Variants in DYNC2LI1 observed in about 807,000 individuals in gnomAD.
DYNC2LI1 encodes dynein cytoplasmic 2 light intermediate chain 1, also known as cytoplasmic dynein 2 light intermediate chain 1.
DYNC2LI1 carries 45 observed loss-of-function variants against 51.9 expected under a neutral mutation model. That is an observed-to-expected ratio of 0.87 (90% CI 0.68 to 1.11). The LOEUF (loss-of-function observed/expected upper bound fraction) is 1.11, where lower values mean the gene tolerates loss of function less well. DYNC2LI1 is among the 50% of genes most tolerant of loss of function. The pLI is 0.00. For missense variants in DYNC2LI1, 490 were observed against 417.4 expected (o/e 1.17, Z -1.51); for synonymous variants, 130 against 137.8 (o/e 0.94, Z 0.40).
At chr2:43,796,947 G>C in intron 8 of DYNC2LI1, 152 bp downstream of exon 8, 1 of 613,758 alleles carries the variant, frequency 1.6e-6, no homozygotes, top group Non-Finnish European at 2.9e-6. Context: ...CTTACAGAGT[G>C]TTTGATAATG....
chr2:43,823,868 G>T, the DYNC2LI1 span: 5 of 1,596,754 alleles, frequency 3.1e-6, no homozygotes, highest in Admixed American at 1.7e-5. Context: ...GAGAAGGGAG[G>T]TATTTAGGGA....
At chr2:43,786,570 G>A (rs142181847) in intron 3 of DYNC2LI1, among the ~76,000 whole-genome samples, 1,569 of 152,244 alleles carry the variant, frequency 0.01, 10 homozygotes, top group Non-Finnish European at 0.014. Flanking sequence ...GGGAGGCCGA[G>A]GCGGGCGGAT....
intron 2 of DYNC2LI1, chr2:43,781,545 C>T (rs1237441338): frequency 1.3e-5 from 2 of 151,674 alleles, no homozygotes; most frequent in Non-Finnish European, 2.9e-5. Context: ...AGAACTTTTA[C>T]AGCATACTAC....
At chr2:43,812,441 C>T (rs1311264219), downstream of DYNC2LI1, 1 of 146,766 alleles carries the variant, frequency 6.8e-6, no homozygotes, top group Non-Finnish European at 1.5e-5. Flanking sequence ...TCTTTAAAAA[C>T]ATAACCAGAG....
downstream of DYNC2LI1, among the ~76,000 whole-genome samples, chr2:43,814,867 C>G (rs1666715805): frequency 6.6e-6 from 1 of 152,146 alleles, no homozygotes; most frequent in Non-Finnish European, 1.5e-5. Flanking sequence ...ATGCTCTTTC[C>G]TAACTTACTC....
Position 43,801,639 on chromosome 2 carries a change from CA to C in DYNC2LI1, c.735del (p.Lys245AsnfsTer23). 1 of 1,605,904 alleles carries C rather than the reference CA, an allele frequency of 6.2e-7. No individual in the cohort carries two copies. ...TAGAATCTTTCTCTTCTCCACGTAG[CA>C]AATCAATATGTGTGGATCAGAATAA... ...NQLAFGIDKSKSICVDQNKPL... is the reference protein window; with the variant it reads ...NQLAFGIDKSXSICVDQNKPL... On this transcript the variant is annotated frameshift_variant and splice_region_variant, in exon 10 of 13. Transcript: ENST00000260605. LOFTEE classifies it high-confidence loss of function.
At chr2:43,783,453 C>G in intron 2 of DYNC2LI1, 67 bp from the exon 3 acceptor site, 16 of 1,215,040 alleles carry the variant, frequency 1.3e-5, no homozygotes, top group East Asian at 5.2e-5. Context: ...GCCACAATTA[C>G]GAACAATAAT....
chr2:43,778,846 G>C (rs535991694), intron 2 of DYNC2LI1, among the ~76,000 whole-genome samples: 2 of 152,062 alleles, frequency 1.3e-5, no homozygotes, highest in South Asian at 4.2e-4. Context: ...TTTCTTGATG[G>C]CAATATGTGG....
chr2:43,785,151 T>C (rs973508393), intron 3 of DYNC2LI1, among the ~76,000 whole-genome samples: 2 of 151,664 alleles, frequency 1.3e-5, no homozygotes, highest in East Asian at 3.9e-4. Flanking sequence ...ATACAAAAAT[T>C]AGCTGGGCAT....
the DYNC2LI1 span, chr2:43,819,880 T>A: frequency 6.2e-7 from 1 of 1,606,164 alleles, no homozygotes; most frequent in Non-Finnish European, 8.5e-7. Context: ...TAACAGATTA[T>A]CCCAATCTAA....
rs116068895 is a variant in DYNC2LI1 at position 43,788,844 on chromosome 2, G to T, written c.232-789G>T. On this transcript the variant is annotated intron_variant, in intron 4 of 12. Coordinates refer to ENST00000260605, the MANE Select transcript of DYNC2LI1 (RefSeq NM_016008.4). The stretch of plus-strand genomic sequence containing the variant: ...TGATGGAGTCTCACTGTGTTGGCCA[G>T]ACTGACCTTGAACTCCTGGCTTCAA... 8.3e-3 allele frequency among the ~76,000 whole-genome samples: 1,260 copies of T among 152,288 alleles called. 19 individuals are homozygous for T. Among genetic ancestry groups the T allele is most frequent in the African/African-American group, 0.029 (1,208 of 41,562 alleles).
chr2:43,783,984 C>T (rs550719093), intron 3 of DYNC2LI1, among the ~76,000 whole-genome samples: 9 of 152,242 alleles, frequency 5.9e-5, no homozygotes, highest in Non-Finnish European at 8.8e-5. Context: ...TATTTCCTAA[C>T]GTATACTGTA....
intron 1 of DYNC2LI1, 131 bp from the exon 2 acceptor site, chr2:43,776,651 A>G (rs1673038129): frequency 3.7e-6 from 2 of 540,658 alleles, no homozygotes; most frequent in Admixed American, 7.4e-5. Context: ...GTTTTACCAG[A>G]TTATTGTTCC....
chr2:43,814,869 AAC>A (rs1666716178), downstream of DYNC2LI1, among the ~76,000 whole-genome samples: 1 of 152,172 alleles, frequency 6.6e-6, no homozygotes, highest in African/African-American at 2.4e-5. Flanking sequence ...GCTCTTTCCT[AAC>A]TTACTCTTTT....
the DYNC2LI1 span, among the ~76,000 whole-genome samples, chr2:43,815,316 G>T: frequency 3.9e-5 from 6 of 152,172 alleles, no homozygotes; most frequent in Non-Finnish European, 8.8e-5. Flanking sequence ...CTGTTTGCAA[G>T]GCACTAGTTC....
chr2:43,800,150 T>A (rs958472677), intron 8 of DYNC2LI1, among the ~76,000 whole-genome samples: 6 of 152,322 alleles, frequency 3.9e-5, no homozygotes, highest in Admixed American at 3.9e-4. Context: ...AATCTAGCTT[T>A]TAAAGATCTG....
At chr2:43,788,492 A>G (rs1490924637) in intron 4 of DYNC2LI1, among the ~76,000 whole-genome samples, 1 of 152,218 alleles carries the variant, frequency 6.6e-6, no homozygotes, top group Non-Finnish European at 1.5e-5. Context: ...GGAGTCCTAA[A>G]TAGAAGCACT....
At chr2:43,784,686 G>A (rs929280287) in intron 3 of DYNC2LI1, among the ~76,000 whole-genome samples, 4 of 152,072 alleles carry the variant, frequency 2.6e-5, no homozygotes, top group Admixed American at 6.5e-5. Flanking sequence ...CGCCTGCCAC[G>A]GCCTCCCAAA....
chr2:43,802,853 A>G (rs1282944273), intron 10 of DYNC2LI1, among the ~76,000 whole-genome samples: 1 of 152,206 alleles, frequency 6.6e-6, no homozygotes, highest in Non-Finnish European at 1.5e-5. Flanking sequence ...AAAGTGGGCA[A>G]AAGACATAAG....
Sources: gnomAD v4.1 joint callset for allele counts (sites outside exome capture counted in the v4.1 genomes callset) on GRCh38, gnomAD v4.1.1 for gene constraint, MANE v1.5 for transcripts, NCBI Gene and HGNC (gene_info 2026-07-23, HGNC 2026-07-21) for gene names.